The following ZNG1F variants were observed in gnomAD, a reference collection of about 807,000 sequenced individuals.
ZNG1F encodes the protein Zn regulated GTPase metalloprotein activator 1F, also known as zinc-regulated GTPase metalloprotein activator 1F.
chr9:41,152,316 C>T, the ZNG1F span, among the ~76,000 whole-genome samples: 10 of 148,420 alleles, frequency 6.7e-5, no homozygotes, highest in African/African-American at 1.7e-4. Flanking sequence ...CCTAAATATA[C>T]ATGCACCCAA....
the ZNG1F span, among the ~76,000 whole-genome samples, chr9:41,192,996 C>T: frequency 6.6e-6 from 1 of 151,858 alleles, no homozygotes; most frequent in African/African-American, 2.4e-5. Context: ...AGCCCCTAAG[C>T]ATCTGATAGG....
the ZNG1F span, among the ~76,000 whole-genome samples, chr9:41,141,208 G>GA: frequency 9.2e-5 from 14 of 151,750 alleles, no homozygotes; most frequent in African/African-American, 3.1e-4. Context: ...TTTCATGTTA[G>GA]AAAAACCCTG....
At chr9:41,183,485 TAC>T in the ZNG1F span, 1 of 1,403,022 alleles carries the variant, frequency 7.1e-7, no homozygotes, top group African/African-American at 1.7e-5. Context: ...TCAGTTAAAT[TAC>T]TCAAGAAAAT....
At chr9:41,150,408 C>A in the ZNG1F span, among the ~76,000 whole-genome samples, 1 of 143,126 alleles carries the variant, frequency 7.0e-6, no homozygotes, top group Non-Finnish European at 1.5e-5. Context: ...GGGCGCCCGC[C>A]ATTGCCCAGG....
chr9:41,192,908 C>T, the ZNG1F span, among the ~76,000 whole-genome samples: 1 of 151,416 alleles, frequency 6.6e-6, no homozygotes, highest in Admixed American at 6.6e-5. Context: ...TTAAAAATTC[C>T]TCCTCATTTA....
At chr9:41,195,547 A>T in the ZNG1F span, among the ~76,000 whole-genome samples, 2 of 141,684 alleles carry the variant, frequency 1.4e-5, no homozygotes, top group Non-Finnish European at 3.1e-5. Context: ...CCATGCTATT[A>T]ATAAGTCTTA....
At chr9:41,144,347 T>G in the ZNG1F span, among the ~76,000 whole-genome samples, 1 of 67,108 alleles carries the variant, frequency 1.5e-5, no homozygotes, top group Non-Finnish European at 3.5e-5. Context: ...GTGCTTCATG[T>G]TCAACTATAT....
the ZNG1F span, chr9:41,165,003 A>C: frequency 6.3e-7 from 1 of 1,587,554 alleles, no homozygotes; most frequent in Non-Finnish European, 8.5e-7. Flanking sequence ...TTTTGTACCT[A>C]AGTGTCGTTC....
the ZNG1F span, chr9:41,165,001 C>T: frequency 2.5e-6 from 4 of 1,587,362 alleles, no homozygotes; most frequent in African/African-American, 1.4e-5. Flanking sequence ...CATTTTGTAC[C>T]TAAGTGTCGT....
chr9:41,158,206 C>T, the ZNG1F span: 2 of 30,628 alleles, frequency 6.5e-5, 1 homozygote, highest in Admixed American at 9.7e-4. Flanking sequence ...CCCAGCTACT[C>T]GGGAGGGTGA....
the ZNG1F span, among the ~76,000 whole-genome samples, chr9:41,166,442 A>C: frequency 6.7e-5 from 2 of 29,740 alleles, no homozygotes; most frequent in Non-Finnish European, 2.0e-4. Flanking sequence ...AATTATTATT[A>C]TACATATATA....
the ZNG1F span, chr9:41,199,337 G>A: frequency 7.8e-6 from 1 of 127,814 alleles, no homozygotes; most frequent in Non-Finnish European, 1.7e-5. Context: ...GGGAGAAATT[G>A]GCCAAAACAA....
chr9:41,132,449 A>C, the ZNG1F span: 1 of 1,513,546 alleles, frequency 6.6e-7, no homozygotes, highest in Non-Finnish European at 8.9e-7. Context: ...TTAATTACTG[A>C]TATTCACTTA....
At chr9:41,169,118 A>G in the ZNG1F span, among the ~76,000 whole-genome samples, 1 of 148,776 alleles carries the variant, frequency 6.7e-6, no homozygotes, top group Non-Finnish European at 1.5e-5. Context: ...TTCTATGCCC[A>G]TAGGAAAGCT....
chr9:41,183,707 T>C, the ZNG1F span: 21 of 1,604,994 alleles, frequency 1.3e-5, no homozygotes, highest in African/African-American at 2.7e-5. Context: ...TTAGCTTATG[T>C]CCATTAGCCA....
chr9:41,146,044 A>C, the ZNG1F span: 1 of 140,664 alleles, frequency 7.1e-6, no homozygotes, highest in Non-Finnish European at 1.6e-5. Flanking sequence ...TGAGGGGTAA[A>C]TTAGTAACAG....
the ZNG1F span, among the ~76,000 whole-genome samples, chr9:41,198,361 C>T: frequency 6.7e-6 from 1 of 150,268 alleles, no homozygotes; most frequent in Non-Finnish European, 1.5e-5. Context: ...AAGATCATGC[C>T]ATTGCATTCC....
At chr9:41,185,616 T>A in the ZNG1F span, among the ~76,000 whole-genome samples, 1 of 151,728 alleles carries the variant, frequency 6.6e-6, no homozygotes, top group Non-Finnish European at 1.5e-5. Context: ...GAGGTGGCAG[T>A]GAGCTGAGAT....
At chr9:41,144,646 C>A in the ZNG1F span, among the ~76,000 whole-genome samples, 1 of 148,414 alleles carries the variant, frequency 6.7e-6, no homozygotes, top group East Asian at 2.0e-4. Context: ...AGATTAGGCA[C>A]ACTGCTCACT....
Sources: allele counts gnomAD v4.1 joint callset (sites outside exome capture counted in the v4.1 genomes callset), GRCh38; gene constraint gnomAD v4.1.1; transcripts MANE v1.5; gene names NCBI Gene and HGNC (gene_info 2026-07-23, HGNC 2026-07-21).